PRMT8: variants seen among roughly 807,000 people sequenced by gnomAD.
PRMT8 encodes protein arginine N-methyltransferase 8.
In PRMT8, 7 loss-of-function variants were observed where a neutral mutation model predicts 47.1. The observed-to-expected ratio is 0.15, with a 90% confidence interval of 0.08 to 0.28. The LOEUF is 0.28. PRMT8 is among the 10% of genes least tolerant of loss of function. The pLI, the probability that PRMT8 is intolerant of heterozygous loss-of-function variation, is 1.00. For synonymous variants in PRMT8, 188 were observed against 186.5 expected (o/e 1.01, Z -0.07); for missense variants, 237 against 505.4 (o/e 0.47, Z 5.09).
At position 3,456,499 on chromosome 12, in the gene PRMT8, G is replaced by A. The variant is rs1864974839; in HGVS notation, c.48+75057G>A. Among the ~76,000 whole-genome samples, 2 of 152,110 alleles carry A rather than the reference G, an allele frequency of 1.3e-5. No individual in the cohort carries two copies. Among genetic ancestry groups the A allele is most frequent in the South Asian group, 2.1e-4 (1 of 4,820 alleles). ...TCCCAGGTGGGAGGGCAGGACCCAC[G>A]AGCACACATTCGGCATCACGAGCGA... On this transcript the variant is annotated intron_variant, in intron 1 of 9. Transcript: ENST00000452611. The surrounding 1 kb of genome is among the most constrained non-coding windows in gnomAD (Gnocchi z 4.2).
In PRMT8 at chr12:3,572,140, A is replaced by G. The variant is rs1454972430; in HGVS notation, c.712+2576A>G. 6.6e-6 allele frequency among the ~76,000 whole-genome samples: 1 copy of G among 152,150 alleles called. No individual in the cohort carries two copies. Among genetic ancestry groups the G allele is most frequent in the Non-Finnish European group, 1.5e-5 (1 of 68,032 alleles). On this transcript the variant is annotated intron_variant, in intron 6 of 9. Transcript: ENST00000382622. The surrounding 1 kb of genome is among the most constrained non-coding windows in gnomAD (Gnocchi z 5.9). ...AACATGGGAGTGCAAGAATGAGGTCAGTGCAGAACCTGCCCTCCATTTGCT... is the reference window on the plus strand; with the variant it reads ...AACATGGGAGTGCAAGAATGAGGTCGGTGCAGAACCTGCCCTCCATTTGCT...
rs976829057 is a variant in PRMT8, at chr12:3,569,637, G to A, written c.712+73G>A. The stretch of plus-strand genomic sequence containing the variant: ...GTGGGAGGCACTCCAGTGGGCCCGA[G>A]ATGAGCAGGCAGTGACATGAACACC... On this transcript the variant is annotated intron_variant, in intron 6 of 9. Transcript: ENST00000382622. The surrounding 1 kb of genome is among the most constrained non-coding windows in gnomAD (Gnocchi z 8.2). The A allele has an allele frequency of 4.9e-6, 6 of 1,215,994 alleles. No individual in the cohort carries two copies. The highest frequency in any genetic ancestry group is 7.3e-6 in the Non-Finnish European group (6 of 817,892). The allele number at this position is 1,215,994 out of a possible 1,614,324, so 75.3% of individuals were successfully genotyped here. A position where few individuals can be genotyped will look rare whatever the true frequency, so the allele number is the denominator to read the frequency against.
intron 1 of PRMT8, among the ~76,000 whole-genome samples, chr12:3,517,085 C>A (rs915644529): frequency 6.6e-6 from 1 of 152,124 alleles, no homozygotes; most frequent in African/African-American, 2.4e-5. Context: ...AGGCAACGTC[C>A]AGGAAAATTG....
intron 7 of PRMT8, among the ~76,000 whole-genome samples, chr12:3,578,259 C>G (rs1242930249): frequency 6.6e-6 from 1 of 152,078 alleles, no homozygotes; most frequent in Admixed American, 6.5e-5. Context: ...ATCTCTTTCT[C>G]TCTCTGTCAC....
intron 1 of PRMT8, among the ~76,000 whole-genome samples, chr12:3,481,741 C>T (rs1287958996): frequency 2.0e-5 from 3 of 152,108 alleles, no homozygotes; most frequent in East Asian, 1.9e-4. Flanking sequence ...AGCTTTGTCT[C>T]AAGAGGGGCC....
chr12:3,490,791 C>A (rs1865380591), upstream of PRMT8, among the ~76,000 whole-genome samples: 1 of 152,052 alleles, frequency 6.6e-6, no homozygotes, highest in Non-Finnish European at 1.5e-5. Flanking sequence ...CATCCAGACA[C>A]CCACCCCTTC....
Position 3,496,214 on chromosome 12 carries a change from A to ATATATATATTT in PRMT8, c.75+4515_75+4516insATATATATTTT. ...TTTGGAAACTGATATATATATATATATTTTTTTTTTTTTTTTTTTTTTTTT... is the reference window on the plus strand; with the variant it reads ...TTTGGAAACTGATATATATATATATATATATATATTTTTTTTTTTTTTTTTTTTTTTTTTTT... On this transcript the variant is annotated intron_variant, in intron 1 of 9. Coordinates refer to ENST00000382622, the MANE Select transcript of PRMT8 (RefSeq NM_019854.5). Among the ~76,000 whole-genome samples, 30 of 27,752 alleles carry ATATATATATTT rather than the reference A, an allele frequency of 1.1e-3. 1 individual carries two copies. The highest frequency in any genetic ancestry group is 2.2e-3 in the Admixed American group (3 of 1,348). The allele number at this position is 27,752 out of a possible 152,430, so 18.2% of individuals were successfully genotyped here.
chr12:3,497,633 T>C (rs561039919), intron 1 of PRMT8, among the ~76,000 whole-genome samples: 53 of 152,326 alleles, frequency 3.5e-4, no homozygotes, highest in African/African-American at 1.3e-3. Flanking sequence ...GTGTTTGAGA[T>C]TTGCCTCTCC....
intron 1 of PRMT8, among the ~76,000 whole-genome samples, chr12:3,482,243 A>G (rs1177793020): frequency 1.3e-5 from 2 of 152,228 alleles, no homozygotes; most frequent in Admixed American, 1.3e-4. Context: ...GTTTTAAAAA[A>G]GAAGGCGAAA....
At chr12:3,432,809 T>C (rs1387424405) in intron 1 of PRMT8, among the ~76,000 whole-genome samples, 2 of 152,086 alleles carry the variant, frequency 1.3e-5, no homozygotes, top group African/African-American at 4.8e-5. Flanking sequence ...AAAAAAGCAA[T>C]GCAGTCACTT....
At chr12:3,386,018 T>C (rs553270773) in intron 1 of PRMT8, among the ~76,000 whole-genome samples, 1 of 152,368 alleles carries the variant, frequency 6.6e-6, no homozygotes, top group South Asian at 2.1e-4. Flanking sequence ...TGCCACACGA[T>C]GTTCAGCAAT....
chr12:3,532,611 CAAAAAAAAAAA>C (rs35698030), intron 1 of PRMT8, among the ~76,000 whole-genome samples: 8 of 24,656 alleles, frequency 3.2e-4, no homozygotes, highest in Admixed American at 5.5e-4. Context: ...GACTCCGTCT[CAAAAAAAAAAA>C]AAAAAAAAAA....
intron 1 of PRMT8, among the ~76,000 whole-genome samples, chr12:3,449,291 G>A (rs6489470): frequency 0.94 from 143,577 of 152,286 alleles, 68,136 homozygotes; most frequent in East Asian, 1. Context: ...TTCTGGTTCT[G>A]GGTCTTTGAG....
chr12:3,560,581 T>C (rs1866620398), intron 4 of PRMT8, among the ~76,000 whole-genome samples: 2 of 152,206 alleles, frequency 1.3e-5, no homozygotes, highest in Non-Finnish European at 2.9e-5. Context: ...AAGGTTGACA[T>C]AGGAGCTCAG....
chr12:3,574,585 T>C (rs1160253558), intron 6 of PRMT8, among the ~76,000 whole-genome samples: 2 of 152,290 alleles, frequency 1.3e-5, no homozygotes, highest in Non-Finnish European at 2.9e-5. Flanking sequence ...CACTTTTATG[T>C]ATCAAGTGCT....
chr12:3,441,014 A>T (rs1864795733), intron 1 of PRMT8, among the ~76,000 whole-genome samples: 1 of 152,172 alleles, frequency 6.6e-6, no homozygotes, highest in Non-Finnish European at 1.5e-5. Context: ...TTCAGCTCTG[A>T]CAATCATTAT....
At chr12:3,422,953 A>T (rs1864559788) in intron 1 of PRMT8, among the ~76,000 whole-genome samples, 1 of 152,244 alleles carries the variant, frequency 6.6e-6, no homozygotes, top group South Asian at 2.1e-4. Context: ...ACTTGTGCTG[A>T]AGCATTTTGG....
Position 3,593,143 on chromosome 12 carries a change from G to T in PRMT8, c.1146G>T (p.Leu382=). The T allele has an allele frequency of 6.2e-7, 1 of 1,614,168 alleles. No individual in the cohort carries two copies. Among genetic ancestry groups the T allele is most frequent in the African/African-American group, 1.3e-5 (1 of 75,048 alleles). Reference sequence around the variant, plus strand: ...TAGACTTGGATTTTAAGGGACAGCTGTGTGAAACATCTGTATCTAATGACT... The same window carrying T: ...TAGACTTGGATTTTAAGGGACAGCTTTGTGAAACATCTGTATCTAATGACT... ...FTVDLDFKGQ[L]CETSVSNDYK... is the part of the protein sequence containing the mutation. Residue 382 remains leucine, a synonymous_variant, in exon 10 of 10, where the codon CTG becomes CTT. Transcript: ENST00000382622. The surrounding 1 kb of genome is among the most constrained non-coding windows in gnomAD (Gnocchi z 4.8).
upstream of PRMT8, among the ~76,000 whole-genome samples, chr12:3,488,885 G>A (rs1396373962): frequency 1.3e-5 from 2 of 152,128 alleles, no homozygotes; most frequent in Non-Finnish European, 2.9e-5. Context: ...CCCAAACTTC[G>A]TCTCTTAAAG....
Sources: allele counts gnomAD v4.1 joint callset (sites outside exome capture counted in the v4.1 genomes callset), GRCh38; gene constraint gnomAD v4.1.1; non-coding constraint Gnocchi (gnomAD v3.1); transcripts MANE v1.5; gene names NCBI Gene and HGNC (gene_info 2026-07-23, HGNC 2026-07-21).